NPAS3: variants seen among roughly 807,000 people sequenced by gnomAD.
NPAS3 encodes neuronal PAS domain protein 3.
NPAS3 carries 14 observed loss-of-function variants against 73.1 expected under a neutral mutation model. That is an observed-to-expected ratio of 0.19 (90% confidence interval 0.13 to 0.30). NPAS3 has a LOEUF of 0.30. NPAS3 is among the 10% of genes least tolerant of loss of function. The pLI is 1.00. For synonymous variants in NPAS3, 620 were observed against 541.5 expected (o/e 1.14, Z -2.01); for missense variants, 1,096 against 1,250.0 (o/e 0.88, Z 1.86).
At chr14:33,625,045 T>C (rs2058182884) in intron 5 of NPAS3, among the ~76,000 whole-genome samples, 1 of 152,248 alleles carries the variant, frequency 6.6e-6, no homozygotes, top group Non-Finnish European at 1.5e-5. Context: ...GTGTAGGGTC[T>C]GTCTTAGTGT....
chr14:33,012,243 C>T (rs1407801541), intron 1 of NPAS3, among the ~76,000 whole-genome samples: 1 of 152,132 alleles, frequency 6.6e-6, no homozygotes, highest in Non-Finnish European at 1.5e-5. Context: ...CTTTTTTTCT[C>T]TTCTCAAGTG....
intron 4 of NPAS3, among the ~76,000 whole-genome samples, chr14:33,398,403 C>T (rs1469837707): frequency 2.4e-5 from 2 of 84,706 alleles, no homozygotes; most frequent in Non-Finnish European, 6.1e-5. Context: ...TTGTTATTTT[C>T]CTTTAAAAAA....
At chr14:32,995,096 G>T (rs2038511221) in intron 1 of NPAS3, among the ~76,000 whole-genome samples, 1 of 152,166 alleles carries the variant, frequency 6.6e-6, no homozygotes, top group African/African-American at 2.4e-5. Flanking sequence ...AACTGAAGCT[G>T]GGCAGCTCAG....
chr14:33,055,801 G>GAATCAT, intron 1 of NPAS3, 104 bp from the exon 2 acceptor site: 4 of 593,568 alleles, frequency 6.7e-6, no homozygotes, highest in Non-Finnish European at 6.1e-6. Flanking sequence ...GCTCAAAAGC[G>GAATCAT]TAAAAAGCAA....
chr14:33,543,979 ATATATATATATATATATATATATC>A (rs1486858942), intron 4 of NPAS3, among the ~76,000 whole-genome samples: 14 of 36,998 alleles, frequency 3.8e-4, no homozygotes, highest in African/African-American at 2.6e-3. Flanking sequence ...ATATATATAT[ATATATATATATATATATATATATC>A]TATATCAGGA....
At chr14:33,308,531 T>TACACACACACACACACACACAC (rs550021518) in intron 3 of NPAS3, among the ~76,000 whole-genome samples, 3 of 116,006 alleles carry the variant, frequency 2.6e-5, no homozygotes, top group Admixed American at 8.4e-5. Flanking sequence ...TATATATACA[T>TACACACACACACACACACACAC]ACACACACAC....
At chr14:33,542,331 C>T (rs540239448) in intron 4 of NPAS3, among the ~76,000 whole-genome samples, 4 of 152,126 alleles carry the variant, frequency 2.6e-5, no homozygotes, top group African/African-American at 7.2e-5. Context: ...TTTTTGTCCT[C>T]GAGAGTCCTC....
At chr14:33,069,134 G>A (rs1304517894) in intron 2 of NPAS3, among the ~76,000 whole-genome samples, 1 of 152,148 alleles carries the variant, frequency 6.6e-6, no homozygotes, top group Non-Finnish European at 1.5e-5. Context: ...ATCAAGGTGT[G>A]ATTTGTACCA....
At chr14:33,784,570 C>A (rs185132680) in intron 9 of NPAS3, among the ~76,000 whole-genome samples, 65 of 152,092 alleles carry the variant, frequency 4.3e-4, no homozygotes, top group African/African-American at 1.5e-3. Flanking sequence ...ATAGGAGAGA[C>A]ATAGAACACA....
At chr14:33,676,172 A>C (rs543516893) in intron 5 of NPAS3, 39 bp from the exon 6 acceptor site, 8 of 1,605,734 alleles carry the variant, frequency 5.0e-6, no homozygotes, top group Non-Finnish European at 6.8e-6. Flanking sequence ...AGAAGCCTAT[A>C]TAATGTCTTT....
chr14:33,147,696 G>A (rs1470070790), intron 2 of NPAS3, among the ~76,000 whole-genome samples: 4 of 141,636 alleles, frequency 2.8e-5, no homozygotes, highest in East Asian at 4.1e-4. Context: ...TGCACATTGT[G>A]CACATGTACC....
upstream of NPAS3, chr14:32,935,088 A>G (rs2035654959): frequency 4.1e-6 from 3 of 740,672 alleles, no homozygotes; most frequent in African/African-American, 1.9e-5. Context: ...TTTGTGTCTT[A>G]CAACACACAT....
chr14:33,391,525 T>C (rs2047005053), intron 4 of NPAS3, among the ~76,000 whole-genome samples: 1 of 152,152 alleles, frequency 6.6e-6, no homozygotes, highest in Non-Finnish European at 1.5e-5. Context: ...CCAACGTTAC[T>C]GATTTTATAT....
intron 2 of NPAS3, among the ~76,000 whole-genome samples, chr14:33,062,710 G>A (rs1318912911): frequency 1.3e-5 from 2 of 152,218 alleles, no homozygotes; most frequent in Non-Finnish European, 2.9e-5. Flanking sequence ...GCACCACAAC[G>A]AGCCTTTTGT....
chr14:32,938,467 G>GAGAGAGAGAAAT (rs1566779129), upstream of NPAS3, among the ~76,000 whole-genome samples: 1 of 123,908 alleles, frequency 8.1e-6, no homozygotes, highest in Non-Finnish European at 1.8e-5. Flanking sequence ...AAGAGAGAGA[G>GAGAGAGAGAAAT]AGAGAGAGAG....
chr14:33,643,611 G>A (rs1697540651), intron 5 of NPAS3, among the ~76,000 whole-genome samples: 1 of 152,126 alleles, frequency 6.6e-6, no homozygotes, highest in Admixed American at 6.5e-5. Context: ...GAAGAGCAGT[G>A]TCAGAAAGCT....
intron 2 of NPAS3, among the ~76,000 whole-genome samples, chr14:33,195,590 G>T (rs915040675): frequency 1.3e-5 from 2 of 152,160 alleles, no homozygotes; most frequent in African/African-American, 4.8e-5. Flanking sequence ...TTAATTTAAT[G>T]TTTAAAACAG....
At chr14:33,576,024 C>A (rs1023562618) in intron 5 of NPAS3, among the ~76,000 whole-genome samples, 8 of 151,818 alleles carry the variant, frequency 5.3e-5, no homozygotes, top group African/African-American at 1.9e-4. Flanking sequence ...CAAATACAAA[C>A]CTGTGGCAAA....
At chr14:33,292,896 G>GT (rs1214487664) in intron 3 of NPAS3, among the ~76,000 whole-genome samples, 15 of 152,280 alleles carry the variant, frequency 9.9e-5, no homozygotes, top group Non-Finnish European at 2.1e-4. Flanking sequence ...AGGTCTTAAA[G>GT]TTTCAAGAGA....
Sources: gnomAD v4.1 joint callset for allele counts (sites outside exome capture counted in the v4.1 genomes callset) on GRCh38, gnomAD v4.1.1 for gene constraint, MANE v1.5 for transcripts, NCBI Gene and HGNC (gene_info 2026-07-23, HGNC 2026-07-21) for gene names.